CDH12: variants seen among roughly 807,000 people sequenced by gnomAD.
CDH12 encodes cadherin 12.
A neutral mutation model predicts 74.1 loss-of-function variants in CDH12; 41 were observed. That is an observed-to-expected ratio of 0.55 (90% CI 0.43 to 0.72). The LOEUF (loss-of-function observed/expected upper bound fraction) is 0.72, where lower values mean the gene tolerates loss of function less well. Among genes scored for constraint, CDH12 ranks in the 30% least tolerant of loss-of-function variants. The probability of loss-of-function intolerance (pLI) is 0.00; values close to 1 mark genes in which losing one functional copy is unlikely to be tolerated. For missense variants in CDH12, 945 were observed against 977.2 expected, an observed-to-expected ratio of 0.97 and a Z score of 0.44; for synonymous variants, 399 against 355.0, an observed-to-expected ratio of 1.12 and a Z score of -1.39.
At chr5:22,129,583 C>A (rs2150285324) in intron 4 of CDH12, among the ~76,000 whole-genome samples, 1 of 152,230 alleles carries the variant, frequency 6.6e-6, no homozygotes, top group South Asian at 2.1e-4. Context: ...ATTAACAGGT[C>A]TTTGAATGTT....
intron 12 of CDH12, among the ~76,000 whole-genome samples, chr5:21,762,929 G>C (rs1156526584): frequency 1.4e-5 from 2 of 144,956 alleles, no homozygotes; most frequent in Admixed American, 7.1e-5. Context: ...GTGGAAAATA[G>C]CTAACTTGAG....
chr5:22,544,981 A>G (rs1284798252), intron 1 of CDH12, among the ~76,000 whole-genome samples: 3 of 152,170 alleles, frequency 2.0e-5, no homozygotes, highest in African/African-American at 7.2e-5. Context: ...GGCAAAAAAA[A>G]AGACTATTCC....
In CDH12 at chr5:21,751,945, A is replaced by ACGT; in HGVS notation, c.2176_2177insACG (p.Asp725dup). The ACGT allele has an allele frequency of 6.2e-7, 1 of 1,614,060 alleles. No individual in the cohort carries two copies. Among genetic ancestry groups the ACGT allele is most frequent in the Non-Finnish European group, 8.5e-7 (1 of 1,179,988 alleles). On this transcript the variant is annotated inframe_insertion, in exon 15 of 15. Transcript: ENST00000382254. ...ATCGTATGGTGGGGCAGTTGGATCC[A>ACGT]CATCATTTTCCTGTAGCCTTTGATG...
chr5:22,530,698 ATGT>A (rs1287751985), intron 1 of CDH12, among the ~76,000 whole-genome samples: 3 of 152,096 alleles, frequency 2.0e-5, no homozygotes, highest in African/African-American at 4.8e-5. Context: ...TAACAAGAAG[ATGT>A]TGTAATTCTA....
intron 3 of CDH12, among the ~76,000 whole-genome samples, chr5:22,370,147 G>A (rs538021008): frequency 6.6e-6 from 1 of 152,212 alleles, no homozygotes; most frequent in East Asian, 1.9e-4. Context: ...GCTGAATAAA[G>A]TGTGCTTATA....
At chr5:21,846,875 G>T (rs1182927867) in intron 7 of CDH12, among the ~76,000 whole-genome samples, 1 of 152,058 alleles carries the variant, frequency 6.6e-6, no homozygotes, top group Non-Finnish European at 1.5e-5. Context: ...GACAGCATAT[G>T]ACAAAAAAAT....
At chr5:22,775,894 T>C (rs1353356125) in intron 1 of CDH12, among the ~76,000 whole-genome samples, 3 of 152,104 alleles carry the variant, frequency 2.0e-5, no homozygotes, top group Admixed American at 6.6e-5. Context: ...GTCTTTCCCA[T>C]GCTATTCTTG....
intron 4 of CDH12, among the ~76,000 whole-genome samples, chr5:22,178,637 C>T (rs1484020863): frequency 1.3e-5 from 2 of 152,140 alleles, no homozygotes; most frequent in South Asian, 4.1e-4. Flanking sequence ...CCAATTCATA[C>T]TCTTACCAAT....
chr5:22,490,273 A>C (rs1746803304), intron 2 of CDH12, among the ~76,000 whole-genome samples: 1 of 152,216 alleles, frequency 6.6e-6, no homozygotes, highest in Non-Finnish European at 1.5e-5. Context: ...AATAAAGAGA[A>C]TATGAGCATC....
chr5:22,030,766 G>T (rs1378752305), intron 5 of CDH12, among the ~76,000 whole-genome samples: 1 of 152,174 alleles, frequency 6.6e-6, no homozygotes, highest in Non-Finnish European at 1.5e-5. Context: ...TCTTCCAACA[G>T]AAGGTTGTTT....
chr5:22,619,666 C>T (rs1369970187), intron 1 of CDH12, among the ~76,000 whole-genome samples: 2 of 151,894 alleles, frequency 1.3e-5, no homozygotes, highest in Non-Finnish European at 2.9e-5. Context: ...CTCCCATTCT[C>T]CTTCTGAATG....
intron 1 of CDH12, among the ~76,000 whole-genome samples, chr5:22,647,978 A>G (rs898587545): frequency 1.3e-5 from 2 of 151,866 alleles, no homozygotes; most frequent in African/African-American, 4.8e-5. Context: ...ACATTGCAAT[A>G]TCTTATTAAT....
Position 21,755,843 on chromosome 5 carries a change from C to T in CDH12, c.1634-1G>A. ...CGGGTTTCAATCCCCGCTGTGTTGT[C>T]TACAAAACATGACATTTATGGTAAC... On this transcript the variant is annotated splice_acceptor_variant, in intron 13 of 14. Transcript: ENST00000382254. LOFTEE classifies it high-confidence loss of function. 6.2e-7 allele frequency: 1 copy of T among 1,613,784 alleles called. No homozygotes were observed. The highest frequency in any genetic ancestry group is 8.5e-7 in the Non-Finnish European group (1 of 1,179,764).
At chr5:22,165,345 C>G (rs181642230) in intron 4 of CDH12, among the ~76,000 whole-genome samples, 1 of 152,288 alleles carries the variant, frequency 6.6e-6, no homozygotes, top group African/African-American at 2.4e-5. Context: ...TAGGAGTGTT[C>G]CTGCTGTGCT....
At chr5:22,459,368 TTAA>T (rs1200775854) in intron 2 of CDH12, among the ~76,000 whole-genome samples, 6 of 152,180 alleles carry the variant, frequency 3.9e-5, no homozygotes, top group African/African-American at 1.4e-4. Context: ...TCAATAAAAA[TTAA>T]TGTATTGCAA....
At chr5:22,729,456 T>C (rs1744322175) in intron 1 of CDH12, among the ~76,000 whole-genome samples, 1 of 151,836 alleles carries the variant, frequency 6.6e-6, no homozygotes, top group Non-Finnish European at 1.5e-5. Context: ...TAAGACCAAC[T>C]GTTTAGTGAT....
intron 3 of CDH12, among the ~76,000 whole-genome samples, chr5:22,280,268 C>G (rs996511722): frequency 6.6e-6 from 1 of 151,734 alleles, no homozygotes; most frequent in African/African-American, 2.4e-5. Flanking sequence ...CAAGAGAAAG[C>G]AGAAAAGATC....
intron 2 of CDH12, among the ~76,000 whole-genome samples, chr5:22,454,513 G>A (rs141038525): frequency 5.5e-4 from 84 of 151,792 alleles, no homozygotes; most frequent in African/African-American, 1.8e-3. Context: ...TCATTCTGTC[G>A]GCCAGACTGG....
intron 2 of CDH12, among the ~76,000 whole-genome samples, chr5:22,459,449 T>C (rs1375566699): frequency 2.0e-5 from 3 of 152,266 alleles, no homozygotes; most frequent in African/African-American, 7.2e-5. Flanking sequence ...TAATATATCA[T>C]CCAGGCAAAT....
Sources: gnomAD v4.1 joint callset for allele counts (sites outside exome capture counted in the v4.1 genomes callset) on GRCh38, gnomAD v4.1.1 for gene constraint, MANE v1.5 for transcripts, NCBI Gene and HGNC (gene_info 2026-07-23, HGNC 2026-07-21) for gene names.